ASH1L: variants seen among roughly 807,000 people sequenced by gnomAD.
ASH1L encodes histone-lysine N-methyltransferase ASH1L.
In ASH1L, 23 loss-of-function variants were observed where a neutral mutation model predicts 269.0. The observed-to-expected ratio is 0.09, with a 90% confidence interval of 0.06 to 0.12. The LOEUF (loss-of-function observed/expected upper bound fraction) is 0.12, where lower values mean the gene tolerates loss of function less well. Ranked by LOEUF, ASH1L falls within the 10% of genes least tolerant of loss-of-function variation. The pLI is 1.00. For synonymous variants in ASH1L, 1,187 were observed against 1,253.5 expected, an observed-to-expected ratio of 0.95 and a Z score of 1.12; for missense variants, 2,912 against 3,567.8, an observed-to-expected ratio of 0.82 and a Z score of 4.68.
Position 155,480,888 on chromosome 1 carries a change from C to T in ASH1L, c.1982G>A (p.Ser661Asn), listed in dbSNP as rs1665907640. 1 of 1,613,894 alleles carries T rather than the reference C, an allele frequency of 6.2e-7. No homozygotes were observed. The highest frequency in any genetic ancestry group is 8.5e-7 in the Non-Finnish European group (1 of 1,179,934). Residue 661 changes from serine to asparagine, a missense_variant, in exon 3 of 28, where the codon AGC becomes AAC. Ser to Asn is a conservative substitution (Grantham distance 46). This residue lies in a region of ASH1L where 715 missense variants were observed against 721.0 expected (regional missense o/e 0.99). Transcript: ENST00000392403. The part of the protein sequence containing the change: ...GKKPSLTSES[S>N]IHTITPSVVN... The stretch of plus-strand genomic sequence containing the variant: ...AACTGAAGGAGTAATAGTATGAATG[C>T]TGGATTCAGAAGTCAAACTTGGCTT...
At chr1:155,476,805 G>A (rs1368474525) in intron 3 of ASH1L, among the ~76,000 whole-genome samples, 3 of 151,854 alleles carry the variant, frequency 2.0e-5, no homozygotes, top group South Asian at 2.1e-4. Context: ...CGCCCACCTC[G>A]GCCTCCCAAA....
At chr1:155,519,192 T>C (rs555946337) in intron 2 of ASH1L, among the ~76,000 whole-genome samples, 2 of 152,212 alleles carry the variant, frequency 1.3e-5, no homozygotes, top group Admixed American at 6.5e-5. Flanking sequence ...CCCAGCACTT[T>C]GGGAAGCAGA....
chr1:155,450,862 T>A (rs1257019938), intron 4 of ASH1L, among the ~76,000 whole-genome samples: 2 of 152,150 alleles, frequency 1.3e-5, no homozygotes, highest in Non-Finnish European at 2.9e-5. Flanking sequence ...GGAATATTAT[T>A]CAGCCTTAAA....
chr1:155,361,902 C>G (rs960252970), intron 12 of ASH1L, among the ~76,000 whole-genome samples: 9 of 150,054 alleles, frequency 6.0e-5, no homozygotes, highest in African/African-American at 2.2e-4. Flanking sequence ...AGGCTTAGTT[C>G]ACTTATTAAA....
chr1:155,390,941 ACCTG>A (rs1657878373), intron 7 of ASH1L, among the ~76,000 whole-genome samples: 1 of 130,154 alleles, frequency 7.7e-6, no homozygotes, highest in Non-Finnish European at 1.6e-5. Context: ...GAGCCACCAC[ACCTG>A]CCTGTGTTTT....
rs535752388 is a variant in ASH1L, at chr1:155,345,270, G to A, written c.7891-997C>T. ...ATCTTGGCTCATTGCAACCTCTGCC[G>A]CCCAGGTTCAAGTGATTCCCCTGCC... On this transcript the variant is annotated intron_variant, in intron 21 of 27. Coordinates refer to ENST00000392403, the MANE Select transcript of ASH1L (RefSeq NM_018489.3). 2.0e-4 allele frequency among the ~76,000 whole-genome samples: 25 copies of A among 127,816 alleles called. No individual in the cohort carries two copies. In the South Asian group the frequency reaches 5.5e-3, roughly 28 times the overall value. 83.9% of individuals were successfully genotyped at this position (127,816 alleles called of 152,430 possible).
Position 155,438,623 on chromosome 1 carries a change from G to A in ASH1L, c.5532C>T (p.Asn1844=). The A allele has an allele frequency of 6.2e-7, 1 of 1,614,202 alleles. No homozygotes were observed. ...GTCGACCTGGCCTACGTTTCACAAA[G>A]TTATTCCCTGTCCTGGCCTGCCTTT... ...KLQRQARTGN[N]FVKRRPGRPR... The change falls in exon 5 of 28, where the codon AAC becomes AAT. Residue 1844 remains asparagine (N), a synonymous_variant. Transcript: ENST00000392403.
At chr1:155,485,783 A>G (rs77468074) in intron 2 of ASH1L, among the ~76,000 whole-genome samples, 8 of 152,338 alleles carry the variant, frequency 5.3e-5, no homozygotes, top group Non-Finnish European at 1.0e-4. Flanking sequence ...CGTGGTCTCT[A>G]AAACCATTTC....
chr1:155,369,356 A>G (rs543827508), intron 12 of ASH1L, among the ~76,000 whole-genome samples: 4 of 152,128 alleles, frequency 2.6e-5, no homozygotes, highest in Admixed American at 2.6e-4. Flanking sequence ...CTGAGGCAGG[A>G]GAGTGGCATG....
At chr1:155,439,188 G>T in intron 4 of ASH1L, 120 bp from the exon 5 acceptor site, 2 of 1,072,162 alleles carry the variant, frequency 1.9e-6, no homozygotes, top group South Asian at 2.1e-5. Flanking sequence ...ACACATCATA[G>T]GTAAATTGAT....
intron 3 of ASH1L, among the ~76,000 whole-genome samples, chr1:155,473,719 T>G (rs1227265850): frequency 2.6e-5 from 4 of 152,150 alleles, no homozygotes; most frequent in African/African-American, 9.7e-5. Context: ...CAGGCTGGTC[T>G]TCAACTCCTA....
At chr1:155,505,373 G>C (rs1285311307) in intron 2 of ASH1L, among the ~76,000 whole-genome samples, 1 of 151,988 alleles carries the variant, frequency 6.6e-6, no homozygotes, top group Non-Finnish European at 1.5e-5. Flanking sequence ...TATACACTCC[G>C]TATGTATTTC....
At chr1:155,415,971 C>A (rs1262209338) in intron 5 of ASH1L, 48 bp from the exon 6 acceptor site, 4 of 1,407,338 alleles carry the variant, frequency 2.8e-6, no homozygotes, top group Non-Finnish European at 3.8e-6. Context: ...AAAAAGTTTT[C>A]CTACAAATAA....
intron 2 of ASH1L, among the ~76,000 whole-genome samples, chr1:155,519,344 G>A (rs918058421): frequency 1.3e-5 from 2 of 152,056 alleles, no homozygotes; most frequent in Non-Finnish European, 1.5e-5. Context: ...GCTGAGGCAG[G>A]AGAATTGCTT....
intron 2 of ASH1L, among the ~76,000 whole-genome samples, chr1:155,497,294 G>A (rs1477965374): frequency 1.3e-5 from 2 of 152,162 alleles, no homozygotes; most frequent in Non-Finnish European, 2.9e-5. Context: ...ATCAATGGAT[G>A]AATAAATGAA....
chr1:155,367,155 G>A (rs565602926), intron 12 of ASH1L, among the ~76,000 whole-genome samples: 47 of 151,710 alleles, frequency 3.1e-4, no homozygotes, highest in Admixed American at 1.4e-3. Flanking sequence ...CACCATGCCC[G>A]GCTAATTTTT....
At chr1:155,359,322 C>T (rs903108685) in intron 13 of ASH1L, among the ~76,000 whole-genome samples, 2 of 152,108 alleles carry the variant, frequency 1.3e-5, no homozygotes, top group African/African-American at 2.4e-5. Context: ...CTCGCTCTGT[C>T]GCCCAGGATG....
chr1:155,378,048 CA>C (rs1173444231), intron 10 of ASH1L, among the ~76,000 whole-genome samples: 1 of 150,814 alleles, frequency 6.6e-6, no homozygotes, highest in Non-Finnish European at 1.5e-5. Flanking sequence ...CAAAACAAAA[CA>C]AAAAAAACAA....
At chr1:155,477,083 G>A (rs1463172068) in intron 3 of ASH1L, among the ~76,000 whole-genome samples, 2 of 152,076 alleles carry the variant, frequency 1.3e-5, no homozygotes, top group Non-Finnish European at 2.9e-5. Flanking sequence ...CAACATCAGA[G>A]GGTTTATGGA....
Sources: allele counts gnomAD v4.1 joint callset (sites outside exome capture counted in the v4.1 genomes callset), GRCh38; gene constraint gnomAD v4.1.1; regional missense constraint gnomAD v4.1.1; transcripts MANE v1.5; gene names NCBI Gene and HGNC (gene_info 2026-07-23, HGNC 2026-07-21).